The following MATR3 variants were observed in gnomAD, a reference collection of about 807,000 sequenced individuals.
The protein encoded by MATR3 is matrin 3, also known as matrin-3.
A neutral mutation model predicts 85.5 loss-of-function variants in MATR3; 4 were observed. The ratio of observed to expected loss-of-function variants is 0.05; its 90% CI spans 0.02 to 0.11. The LOEUF is 0.11. MATR3 is among the 10% of genes least tolerant of loss of function. The pLI, the probability that MATR3 is intolerant of heterozygous loss-of-function variation, is 1.00. For missense variants in MATR3, 685 were observed against 1,016.1 expected (o/e 0.67, Z 4.43); for synonymous variants, 336 against 343.1 (o/e 0.98, Z 0.23).
intron 3 of MATR3, 48 bp downstream of exon 3, chr5:139,314,784 C>T: frequency 6.4e-7 from 1 of 1,560,064 alleles, no homozygotes; most frequent in Admixed American, 1.7e-5. Context: ...GAATCAGAAT[C>T]AGCCATTATT....
At chr5:139,317,549 T>C (rs200960104) in intron 6 of MATR3, 47 bp from the exon 7 acceptor site, 24 of 1,602,498 alleles carry the variant, frequency 1.5e-5, no homozygotes, top group Non-Finnish European at 1.7e-5. Context: ...GGTTTCATAT[T>C]GCTTTAAAGA....
chr5:139,303,504 G>C (rs1043283010), intron 1 of MATR3, among the ~76,000 whole-genome samples: 1 of 152,162 alleles, frequency 6.6e-6, no homozygotes, highest in African/African-American at 2.4e-5. Flanking sequence ...AGGTCAAGGC[G>C]GGAGGATTGC....
chr5:139,324,670 C>A (rs11242458), intron 12 of MATR3, among the ~76,000 whole-genome samples: 3 of 151,952 alleles, frequency 2.0e-5, no homozygotes, highest in Non-Finnish European at 2.9e-5. Context: ...TACTGTCTTA[C>A]AAAGGATATT....
At chr5:139,299,191 C>T (rs1754316191) in intron 1 of MATR3, among the ~76,000 whole-genome samples, 1 of 152,032 alleles carries the variant, frequency 6.6e-6, no homozygotes, top group Non-Finnish European at 1.5e-5. Context: ...GGATGCTGGG[C>T]CTTGAGAAAA....
chr5:139,281,239 G>T (rs1753506260), intron 3 of MATR3, among the ~76,000 whole-genome samples: 1 of 151,790 alleles, frequency 6.6e-6, no homozygotes, highest in African/African-American at 2.4e-5. Flanking sequence ...CAGTGGTGTG[G>T]TCACAGCTCA....
intron 1 of MATR3, 126 bp downstream of exon 1, chr5:139,293,931 C>T (rs753029549): frequency 8.2e-7 from 1 of 1,212,582 alleles, no homozygotes; most frequent in Non-Finnish European, 1.0e-6. Context: ...CTCGCTCCCG[C>T]TCTGCCTCCC....
chr5:139,309,780 C>T (rs900466254), intron 2 of MATR3, among the ~76,000 whole-genome samples: 1 of 152,074 alleles, frequency 6.6e-6, no homozygotes, highest in Admixed American at 6.6e-5. Flanking sequence ...CTGATCAGCA[C>T]TAAACTTTAA....
chr5:139,329,845 TTTGAACCCG>T lies in MATR3; in HGVS notation c.*453_*461del. On this transcript the variant is annotated 3_prime_UTR_variant, in exon 15 of 15. Transcript: ENST00000394805. ...GAGCCTTGCAGACTTTCATTTGGAG[TTTGAACCCG>T]TTTTGGTTGCATTTCATTTTTGGAG... The T allele has an allele frequency of 2.2e-6, 1 of 454,600 alleles. No individual in the cohort carries two copies. The highest frequency in any genetic ancestry group is 4.4e-6 in the Non-Finnish European group (1 of 226,810). The allele number at this position is 454,600 out of a possible 1,614,324, so 28.2% of individuals were successfully genotyped here.
At chr5:139,281,515 T>C (rs1292717059) in intron 3 of MATR3, among the ~76,000 whole-genome samples, 1 of 151,928 alleles carries the variant, frequency 6.6e-6, no homozygotes, top group Admixed American at 6.6e-5. Context: ...GCTAAATTTT[T>C]TTTTGTATTT....
rs201019485 is a variant in MATR3 at position 139,325,510 on chromosome 5, A to G, written c.2219A>G (p.Asn740Ser). 3 of 1,614,096 alleles carry G rather than the reference A, an allele frequency of 1.9e-6. No individual in the cohort carries two copies. Among genetic ancestry groups the G allele is most frequent in the Non-Finnish European group, 2.5e-6 (3 of 1,180,038 alleles). Reference sequence around the variant, plus strand: ...GAAAATGGAATTAAAAATGAGGAAAACACAGAACCAGGTGCTGAATCTTCT... The same window carrying G: ...GAAAATGGAATTAAAAATGAGGAAAGCACAGAACCAGGTGCTGAATCTTCT... ...ALENGIKNEE[N>S]TEPGAESSEN... Residue 740 changes from asparagine to serine, a missense_variant, in exon 13 of 15, where the codon AAC becomes AGC. Physicochemically the swap from Asn to Ser is conservative, Grantham distance 46. Transcript: ENST00000394805.
chr5:139,328,075 C>G (rs1325086304), intron 14 of MATR3, among the ~76,000 whole-genome samples: 1 of 151,422 alleles, frequency 6.6e-6, no homozygotes, highest in Non-Finnish European at 1.5e-5. Flanking sequence ...GTTAGCCAGG[C>G]TGGTCTTGAA....
Position 139,325,481 on chromosome 5 carries a change from G to T in MATR3, c.2190G>T (p.Ala730=), listed in dbSNP as rs766165466. 3 of 1,614,184 alleles carry T rather than the reference G, an allele frequency of 1.9e-6. No individual in the cohort carries two copies. The highest frequency in any genetic ancestry group is 2.2e-5 in the East Asian group (1 of 44,892). ...AACTTGATCAAGAAAACGAAGCAGC[G>T]TTGGAAAATGGAATTAAAAATGAGG... ...IEELDQENEA[A]LENGIKNEEN... Residue 730 remains alanine, a synonymous_variant, in exon 13 of 15, where the codon GCG becomes GCT. Transcript: ENST00000394805.
upstream of MATR3, among the ~76,000 whole-genome samples, chr5:139,291,261 TCA>T (rs1408681835): frequency 6.6e-6 from 1 of 152,214 alleles, no homozygotes; most frequent in African/African-American, 2.4e-5. Context: ...AGCTCAAACC[TCA>T]GTTTCTCAGG....
chr5:139,306,256 T>A (rs1310396036), intron 1 of MATR3, among the ~76,000 whole-genome samples: 2 of 152,208 alleles, frequency 1.3e-5, no homozygotes, highest in African/African-American at 4.8e-5. Flanking sequence ...AACAATTTCA[T>A]CTAGAAACAC....
At chr5:139,320,069 G>A (rs1755474807) in intron 9 of MATR3, among the ~76,000 whole-genome samples, 1 of 151,416 alleles carries the variant, frequency 6.6e-6, no homozygotes, top group Non-Finnish European at 1.5e-5. Flanking sequence ...AGCACTTTGG[G>A]AGGCGGAGGC....
In MATR3 at chr5:139,293,769, A is replaced by G. The variant is rs1581213893; in HGVS notation, c.-214A>G. 2 of 390,342 alleles carry G rather than the reference A, an allele frequency of 5.1e-6. No homozygotes were observed. The highest frequency in any genetic ancestry group is 8.9e-5 in the Admixed American group (2 of 22,354). 24.2% of individuals were successfully genotyped at this position (390,342 alleles called of 1,614,324 possible). A position where few individuals can be genotyped will look rare whatever the true frequency, so the allele number is the denominator to read the frequency against. On this transcript the variant is annotated 5_prime_UTR_variant, in exon 1 of 15. Transcript: ENST00000394805. ...GTCTCCGCGTCCCGCTCGCTGGGAG[A>G]GAGGTACCTCTCCTTTTCCCTCTCC...
intron 12 of MATR3, 153 bp from the exon 13 acceptor site, chr5:139,325,287 T>G (rs1342596867): frequency 9.7e-6 from 15 of 1,552,330 alleles, no homozygotes; most frequent in South Asian, 1.2e-5. Context: ...AATTTGTCTT[T>G]CTTAACAGCG....
At chr5:139,324,408 A>C (rs1477748673) in intron 12 of MATR3, among the ~76,000 whole-genome samples, 1 of 149,420 alleles carries the variant, frequency 6.7e-6, no homozygotes, top group African/African-American at 2.5e-5. Flanking sequence ...CTGCTGCCTC[A>C]GCCTCCCAAG....
upstream of MATR3, among the ~76,000 whole-genome samples, chr5:139,288,985 T>C (rs980598699): frequency 6.6e-6 from 1 of 151,704 alleles, no homozygotes; most frequent in Admixed American, 6.6e-5. Context: ...GGTTTCATCA[T>C]GTTGGCCAGG....
Sources: allele counts gnomAD v4.1 joint callset (sites outside exome capture counted in the v4.1 genomes callset), GRCh38; gene constraint gnomAD v4.1.1; transcripts MANE v1.5; gene names NCBI Gene and HGNC (gene_info 2026-07-23, HGNC 2026-07-21).